Variants in VAPB observed in about 807,000 individuals in gnomAD.
VAPB encodes the protein vesicle-associated membrane protein-associated protein B/C.
In VAPB, 7 loss-of-function variants were observed where a neutral mutation model predicts 25.6. The observed-to-expected ratio is 0.27, with a 90% CI of 0.16 to 0.51. VAPB has a LOEUF of 0.51. Among genes scored for constraint, VAPB ranks in the 20% least tolerant of loss-of-function variants. The pLI, the probability that VAPB is intolerant of heterozygous loss-of-function variation, is 0.97. For synonymous variants in VAPB, 112 were observed against 109.2 expected (o/e 1.03, Z -0.16); for missense variants, 266 against 301.3 (o/e 0.88, Z 0.87).
At chr20:58,400,868 C>A (rs1181240785) in intron 1 of VAPB, among the ~76,000 whole-genome samples, 2 of 152,220 alleles carry the variant, frequency 1.3e-5, no homozygotes, top group African/African-American at 4.8e-5. Context: ...GTAAATATAT[C>A]CTGATGGACT....
chr20:58,400,066 G>A (rs1042213836), intron 1 of VAPB, among the ~76,000 whole-genome samples: 4 of 152,200 alleles, frequency 2.6e-5, no homozygotes, highest in East Asian at 1.9e-4. Context: ...AGAGGCCTTT[G>A]CAGAAGGCCT....
At chr20:58,426,950 C>G (rs150180487) in intron 2 of VAPB, among the ~76,000 whole-genome samples, 1 of 152,162 alleles carries the variant, frequency 6.6e-6, no homozygotes, top group African/African-American at 2.4e-5. Context: ...ATAATGCAGA[C>G]GAAAGTGATC....
intron 1 of VAPB, among the ~76,000 whole-genome samples, chr20:58,396,578 A>C (rs1987963855): frequency 6.6e-6 from 1 of 152,202 alleles, no homozygotes; most frequent in Non-Finnish European, 1.5e-5. Flanking sequence ...AAGGGTGCTC[A>C]GAGAATGGAG....
At chr20:58,414,718 G>C (rs376612754) in intron 1 of VAPB, among the ~76,000 whole-genome samples, 14 of 151,094 alleles carry the variant, frequency 9.3e-5, no homozygotes, top group Admixed American at 6.6e-4. Flanking sequence ...GCGGCCGGTC[G>C]GAGACGCTCC....
chr20:58,444,787 C>G lies in VAPB; in HGVS notation c.*552C>G, dbSNP rs904306586. The G allele has an allele frequency of 8.8e-6, 4 of 454,458 alleles. No individual in the cohort carries two copies. Among genetic ancestry groups the G allele is most frequent in the South Asian group, 1.6e-5 (1 of 64,480 alleles). 28.2% of individuals were successfully genotyped at this position (454,458 alleles called of 1,614,324 possible). ...CAAAGGAATTGCACTGTGGCAGCAT[C>G]AGACGTACTCGTCATAAGTGAGAGG... On this transcript the variant is annotated 3_prime_UTR_variant, in exon 6 of 6. Coordinates refer to ENST00000475243, the MANE Select transcript of VAPB (RefSeq NM_004738.5).
At chr20:58,426,167 A>G (rs910663976) in intron 2 of VAPB, among the ~76,000 whole-genome samples, 1 of 152,178 alleles carries the variant, frequency 6.6e-6, no homozygotes, top group African/African-American at 2.4e-5. Flanking sequence ...AAGTGCTGGG[A>G]TTACAGGTGT....
In VAPB at chr20:58,406,791, C is replaced by T. The variant is rs117079935; in HGVS notation, c.59-11420C>T. Among the ~76,000 whole-genome samples, 72 of 152,234 alleles carry T rather than the reference C, an allele frequency of 4.7e-4. 1 individual carries two copies. In the East Asian group the frequency reaches 0.013, roughly 28 times the overall value. On this transcript the variant is annotated intron_variant, in intron 1 of 5. Transcript: ENST00000475243. ...CCCCATGCTATTTTATCACTCATAC[C>T]CCTAACTTGAGCATATTATCTGTCT... is the stretch of plus-strand genomic sequence containing the variant.
At chr20:58,396,773 C>G (rs548602643) in intron 1 of VAPB, among the ~76,000 whole-genome samples, 33 of 152,284 alleles carry the variant, frequency 2.2e-4, no homozygotes, top group African/African-American at 7.5e-4. Flanking sequence ...TGCTTTAATT[C>G]CAGAAGATAG....
At position 58,389,480 on chromosome 20, in the gene VAPB, C is replaced by G. The variant is rs763066492; in HGVS notation, c.21C>G (p.Val7=). ...GGAACATGGCGAAGGTGGAGCAGGT[C>G]CTGAGCCTCGAGCCGCAGCACGAGC... MAKVEQ[V]LSLEPQHELK... Residue 7 remains valine (V), a synonymous_variant, in exon 1 of 6, where the codon GTC becomes GTG. Transcript: ENST00000475243. 1 of 1,596,594 alleles carries G rather than the reference C, an allele frequency of 6.3e-7. No homozygotes were observed. The highest frequency in any genetic ancestry group is 8.5e-7 in the Non-Finnish European group (1 of 1,172,548).
intron 1 of VAPB, among the ~76,000 whole-genome samples, chr20:58,412,665 G>C (rs569419006): frequency 1.3e-5 from 2 of 151,958 alleles, no homozygotes; most frequent in African/African-American, 4.8e-5. Context: ...CTATGCTTGA[G>C]GTAATACAGA....
rs372302350 is a variant in VAPB, at chr20:58,447,936, C to T, written c.*3701C>T. 5.1e-5 allele frequency: 23 copies of T among 453,864 alleles called. No individual in the cohort carries two copies. Among genetic ancestry groups the T allele is most frequent in the East Asian group, 4.2e-4 (6 of 14,372 alleles). The allele number at this position is 453,864 out of a possible 1,614,324, so 28.1% of individuals were successfully genotyped here. A position where few individuals can be genotyped will look rare whatever the true frequency, so the allele number is the denominator to read the frequency against. Reference sequence around the variant, plus strand: ...CCTGAATAACATTTAACTCCTGAGACCTTCTCGGTGTAGAGGCCACTGCTT... The same window carrying T: ...CCTGAATAACATTTAACTCCTGAGATCTTCTCGGTGTAGAGGCCACTGCTT... On this transcript the variant is annotated 3_prime_UTR_variant, in exon 6 of 6. Transcript: ENST00000475243.
chr20:58,414,351 G>C (rs1281347885), intron 1 of VAPB, among the ~76,000 whole-genome samples: 3 of 149,770 alleles, frequency 2.0e-5, no homozygotes, highest in African/African-American at 7.4e-5. Context: ...TCCCGGACGG[G>C]GCGGCCGCCG....
intron 1 of VAPB, among the ~76,000 whole-genome samples, chr20:58,402,322 A>C (rs192161951): frequency 3.3e-5 from 5 of 152,114 alleles, no homozygotes; most frequent in Non-Finnish European, 5.9e-5. Context: ...ATAAAGTAAC[A>C]GTTTTTAGCT....
chr20:58,411,845 A>AT (rs1988388856), intron 1 of VAPB, among the ~76,000 whole-genome samples: 1 of 151,444 alleles, frequency 6.6e-6, no homozygotes, highest in Non-Finnish European at 1.5e-5. Flanking sequence ...CGCCCGGCTA[A>AT]TTTTTTTGTA....
Position 58,441,053 on chromosome 20 carries a change from G to C in VAPB, c.543G>C (p.Gln181His). The change falls in exon 5 of 6, where the codon CAG becomes CAC. Residue 181 changes from glutamine to histidine, a missense_variant. Gln to His is a conservative substitution (Grantham distance 24). This residue lies in a region of VAPB where 136 missense variants were observed against 130.7 expected (regional missense o/e 1.04). Coordinates refer to ENST00000475243, the MANE Select transcript of VAPB (RefSeq NM_004738.5). The stretch of plus-strand genomic sequence containing the variant: ...GTAAGAGGCTGCAAGGTGAAGTTCA[G>C]AGGCTACGGGAGGAGAACAAGCAGT... ...EECKRLQGEVQRLREENKQFK... is the reference protein window; with the variant it reads ...EECKRLQGEVHRLREENKQFK... 6.2e-7 allele frequency: 1 copy of C among 1,614,096 alleles called. No individual in the cohort carries two copies. The highest frequency in any genetic ancestry group is 8.5e-7 in the Non-Finnish European group (1 of 1,179,998).
intron 1 of VAPB, among the ~76,000 whole-genome samples, chr20:58,413,734 G>C (rs1392085830): frequency 6.6e-6 from 1 of 151,288 alleles, no homozygotes; most frequent in Non-Finnish European, 1.5e-5. Flanking sequence ...GGGCAGAGGC[G>C]CCCGTCACCT....
intron 1 of VAPB, among the ~76,000 whole-genome samples, chr20:58,409,430 A>G (rs1423181886): frequency 1.3e-5 from 2 of 152,202 alleles, no homozygotes; most frequent in East Asian, 3.8e-4. Context: ...TTTCCCACAT[A>G]GAGAGTCTAC....
At chr20:58,399,320 A>T (rs1486168436) in intron 1 of VAPB, among the ~76,000 whole-genome samples, 1 of 151,740 alleles carries the variant, frequency 6.6e-6, no homozygotes, top group Non-Finnish European at 1.5e-5. Flanking sequence ...AAAGAGAGAA[A>T]AAGAAAGAAA....
chr20:58,398,912 G>T (rs1160918937), intron 1 of VAPB, among the ~76,000 whole-genome samples: 2 of 151,874 alleles, frequency 1.3e-5, no homozygotes, highest in Admixed American at 1.3e-4. Flanking sequence ...AAGATAAGTG[G>T]GAGTGTGCCC....
Sources: allele counts gnomAD v4.1 joint callset (sites outside exome capture counted in the v4.1 genomes callset), GRCh38; gene constraint gnomAD v4.1.1; regional missense constraint gnomAD v4.1.1; transcripts MANE v1.5; gene names NCBI Gene and HGNC (gene_info 2026-07-23, HGNC 2026-07-21).